Variants in SCFD2 observed in about 807,000 individuals in gnomAD.
The protein encoded by SCFD2 is sec1 family domain-containing protein 2.
SCFD2 carries 54 observed loss-of-function variants against 58.9 expected under a neutral mutation model. The observed-to-expected ratio is 0.92, with a 90% CI of 0.74 to 1.15. The LOEUF (loss-of-function observed/expected upper bound fraction) is 1.15. Ranked by LOEUF, SCFD2 falls within the 50% of genes most tolerant of loss-of-function variation. The pLI is 0.00. For synonymous variants in SCFD2, 321 were observed against 335.9 expected (o/e 0.96, Z 0.49); for missense variants, 805 against 836.6 (o/e 0.96, Z 0.47).
intron 5 of SCFD2, among the ~76,000 whole-genome samples, chr4:52,954,393 C>T (rs935439227): frequency 1.3e-5 from 2 of 152,158 alleles, no homozygotes; most frequent in African/African-American, 4.8e-5. Flanking sequence ...AGATTACAGG[C>T]ACTCAGTTCC....
At chr4:53,260,311 C>A (rs1012387761) in intron 4 of SCFD2, among the ~76,000 whole-genome samples, 15 of 152,018 alleles carry the variant, frequency 9.9e-5, no homozygotes, top group African/African-American at 3.6e-4. Flanking sequence ...TGTTCCAGTT[C>A]TCAGAGGGGA....
intron 7 of SCFD2, among the ~76,000 whole-genome samples, chr4:52,905,124 C>T (rs546304428): frequency 4.6e-5 from 7 of 152,332 alleles, no homozygotes; most frequent in African/African-American, 1.7e-4. Flanking sequence ...ATGGTTATAA[C>T]CATGTTAGAC....
Position 53,164,786 on chromosome 4 carries a change from C to T in SCFD2, c.1312-19204G>A, listed in dbSNP as rs1285342041. On this transcript the variant is annotated intron_variant, in intron 4 of 8. Coordinates refer to ENST00000401642, the MANE Select transcript of SCFD2 (RefSeq NM_152540.4). ...GGGCGAAAAAGCGAGACTCTGGAGT[C>T]TCAAAAAAAAAAAAAAAAAAGAAGA... Among the ~76,000 whole-genome samples the T allele has an allele frequency of 6.3e-4, 36 of 57,556 alleles. No individual in the cohort carries two copies. The Admixed American group carries it at 8.5e-3, about 14-fold the overall frequency. 37.8% of individuals were successfully genotyped at this position (57,556 alleles called of 152,430 possible).
chr4:53,146,742 G>C (rs1176383000), intron 4 of SCFD2, among the ~76,000 whole-genome samples: 1 of 152,178 alleles, frequency 6.6e-6, no homozygotes, highest in Non-Finnish European at 1.5e-5. Flanking sequence ...GATATTTTGA[G>C]ACAGAGATAG....
intron 2 of SCFD2, among the ~76,000 whole-genome samples, chr4:53,350,544 T>G (rs1308701248): frequency 6.6e-6 from 1 of 152,214 alleles, no homozygotes; most frequent in Non-Finnish European, 1.5e-5. Context: ...AAAATTGATT[T>G]CCATTGTTTG....
At chr4:53,240,538 C>T (rs951176214) in intron 4 of SCFD2, among the ~76,000 whole-genome samples, 1 of 152,186 alleles carries the variant, frequency 6.6e-6, no homozygotes, top group Non-Finnish European at 1.5e-5. Context: ...CTTCTTTTTG[C>T]ATACAACTAT....
intron 4 of SCFD2, among the ~76,000 whole-genome samples, chr4:53,251,661 AG>A (rs1342100379): frequency 1.3e-5 from 2 of 152,170 alleles, no homozygotes; most frequent in African/African-American, 2.4e-5. Flanking sequence ...GATGCAGAAA[AG>A]GCCTTTGACA....
intron 5 of SCFD2, among the ~76,000 whole-genome samples, chr4:52,985,241 A>C (rs894619244): frequency 6.6e-6 from 1 of 152,308 alleles, no homozygotes; most frequent in Non-Finnish European, 1.5e-5. Flanking sequence ...GAAGAGTGGG[A>C]CATGGTATTC....
intron 5 of SCFD2, among the ~76,000 whole-genome samples, chr4:52,990,497 A>C (rs1057047829): frequency 6.6e-6 from 1 of 152,022 alleles, no homozygotes; most frequent in Non-Finnish European, 1.5e-5. Flanking sequence ...GGGAGAGCTG[A>C]GGCTGCTTGC....
At chr4:53,152,799 G>A (rs1726549840) in intron 4 of SCFD2, among the ~76,000 whole-genome samples, 1 of 152,162 alleles carries the variant, frequency 6.6e-6, no homozygotes, top group East Asian at 1.9e-4. Context: ...TATAGAAATT[G>A]GGTAGATGTT....
intron 2 of SCFD2, 67 bp from the exon 3 acceptor site, chr4:53,313,830 A>C: frequency 1.4e-6 from 2 of 1,474,578 alleles, no homozygotes; most frequent in African/African-American, 2.8e-5. Flanking sequence ...GGTTGAAAGC[A>C]AAATACTTTT....
chr4:53,208,461 G>A (rs1728506224), intron 4 of SCFD2, among the ~76,000 whole-genome samples: 1 of 152,166 alleles, frequency 6.6e-6, no homozygotes, highest in African/African-American at 2.4e-5. Flanking sequence ...AGAACAATCT[G>A]TGACAATGTT....
At chr4:53,236,794 A>G (rs1729627238) in intron 4 of SCFD2, among the ~76,000 whole-genome samples, 1 of 149,596 alleles carries the variant, frequency 6.7e-6, no homozygotes, top group East Asian at 1.9e-4. Context: ...ATTTCTAACT[A>G]CTTAAAGTCA....
intron 5 of SCFD2, among the ~76,000 whole-genome samples, chr4:53,010,224 C>G (rs1290182228): frequency 6.6e-6 from 1 of 152,178 alleles, no homozygotes; most frequent in Non-Finnish European, 1.5e-5. Flanking sequence ...ATTTCTATAG[C>G]TTTACAAGAT....
At chr4:53,086,320 A>G (rs1724302791) in intron 5 of SCFD2, among the ~76,000 whole-genome samples, 1 of 152,176 alleles carries the variant, frequency 6.6e-6, no homozygotes, top group African/African-American at 2.4e-5. Flanking sequence ...TGCAAATCAA[A>G]ACTACAATGA....
chr4:53,352,641 C>G lies in SCFD2; in HGVS notation c.964G>C (p.Glu322Gln). Residue 322 changes from glutamate (E) to glutamine (Q), a missense_variant, in exon 2 of 9, where the codon GAA becomes CAA. Glu to Gln is a conservative substitution (Grantham distance 29). Transcript: ENST00000401642. ...CCTGGTGCAACCACATTATAATTTT[C>G]CTCCTCAGTATGGAGTGCAGTGAGC... ...IALTALHTEE[E>Q]NYNVVAPGCL... The G allele has an allele frequency of 6.2e-7, 1 of 1,613,810 alleles. No homozygotes were observed. Among genetic ancestry groups the G allele is most frequent in the Admixed American group, 1.7e-5 (1 of 59,994 alleles).
intron 4 of SCFD2, among the ~76,000 whole-genome samples, chr4:53,195,422 T>C (rs1422635310): frequency 2.6e-5 from 4 of 152,254 alleles, no homozygotes; most frequent in South Asian, 4.1e-4. Context: ...TTACCTCTAA[T>C]TGTAGTCAAG....
chr4:53,271,315 G>GCA (rs143526060), intron 4 of SCFD2, among the ~76,000 whole-genome samples: 11,013 of 147,282 alleles, frequency 0.075, 429 homozygotes, highest in Middle Eastern at 0.12. Context: ...ACACACACAC[G>GCA]CACACACACA....
chr4:52,899,201 G>A (rs964959736), intron 7 of SCFD2, among the ~76,000 whole-genome samples: 2 of 152,152 alleles, frequency 1.3e-5, no homozygotes, highest in Non-Finnish European at 2.9e-5. Flanking sequence ...TATGATGTTA[G>A]CTGGTTATTT....
Sources: gnomAD v4.1 joint callset for allele counts (sites outside exome capture counted in the v4.1 genomes callset) on GRCh38, gnomAD v4.1.1 for gene constraint, MANE v1.5 for transcripts, NCBI Gene and HGNC (gene_info 2026-07-23, HGNC 2026-07-21) for gene names.